The following AAR2 variants were observed in gnomAD, a reference collection of about 807,000 sequenced individuals.
AAR2 encodes protein AAR2 homolog.
Under a neutral mutation model 26.9 loss-of-function variants are expected in AAR2, and 31 were observed. That is an observed-to-expected ratio of 1.15 (90% CI 0.86 to 1.55). AAR2 has a LOEUF of 1.55. AAR2 is among the 40% of genes most tolerant of loss of function. The pLI is 0.00. For missense variants in AAR2, 430 were observed against 491.3 expected, an observed-to-expected ratio of 0.88 and a Z score of 1.18; for synonymous variants, 188 against 196.1, an observed-to-expected ratio of 0.96 and a Z score of 0.34.
chr20:36,253,948 C>T (rs1230435195), intron 3 of AAR2, among the ~76,000 whole-genome samples: 1 of 152,146 alleles, frequency 6.6e-6, no homozygotes, highest in African/African-American at 2.4e-5. Flanking sequence ...AAATAACAGG[C>T]GTTGGCCAGG....
intron 3 of AAR2, among the ~76,000 whole-genome samples, chr20:36,246,717 G>C (rs1366820272): frequency 1.3e-5 from 2 of 152,208 alleles, no homozygotes; most frequent in African/African-American, 2.4e-5. Flanking sequence ...TGCCAGCAAT[G>C]ATTTACAAAG....
chr20:36,239,989 G>C lies in AAR2; in HGVS notation c.121G>C (p.Val41Leu). Residue 41 changes from valine to leucine, a missense_variant, in exon 2 of 4, where the codon GTC (valine) becomes CTC (leucine). Coordinates refer to ENST00000320849, the MANE Select transcript of AAR2 (RefSeq NM_001271874.2). ...EFGIDYNSWE[V>L]GPKFRGVKMI... ...TGGGATTGACTATAACTCCTGGGAG[G>C]TCGGGCCCAAGTTCCGGGGCGTGAA... 2.5e-6 allele frequency: 4 copies of C among 1,614,208 alleles called. No homozygotes were observed. Among genetic ancestry groups the C allele is most frequent in the Non-Finnish European group, 3.4e-6 (4 of 1,180,036 alleles).
rs1230824921 is a variant in AAR2, at chr20:36,256,161, AGTTG to A, written c.*423_*426del. On this transcript the variant is annotated 3_prime_UTR_variant, in exon 4 of 4. Transcript: ENST00000320849. The stretch of plus-strand genomic sequence containing the variant: ...CCTGGATTGCCCAGGGGGTCTGAGA[AGTTG>A]GTTGGTGACTTTTTTTGCGGTTAAA... 5 of 159,160 alleles carry A rather than the reference AGTTG, an allele frequency of 3.1e-5. No homozygotes were observed. The highest frequency in any genetic ancestry group is 5.5e-5 in the Non-Finnish European group (4 of 72,714). 9.9% of individuals were successfully genotyped at this position (159,160 alleles called of 1,614,324 possible).
Position 36,244,874 on chromosome 20 carries a change from A to G in AAR2, c.935A>G (p.Asp312Gly). The G allele has an allele frequency of 6.2e-7, 1 of 1,614,140 alleles. No homozygotes were observed. The highest frequency in any genetic ancestry group is 1.3e-5 in the African/African-American group (1 of 75,016). The change falls in exon 3 of 4, where the codon GAC becomes GGC. Residue 312 changes from aspartate (D) to glycine (G), a missense_variant. Coordinates refer to ENST00000320849, the MANE Select transcript of AAR2 (RefSeq NM_001271874.2). ...LYHQLGEIPA[D>G]FFVDIVSQDN... ...CACCAGCTTGGTGAGATCCCCGCTG[A>G]CTTCTTCGTAGACATTGTCTCCCAA...
At chr20:36,245,772 A>G (rs1351009778) in intron 3 of AAR2, among the ~76,000 whole-genome samples, 3 of 152,182 alleles carry the variant, frequency 2.0e-5, no homozygotes, top group Non-Finnish European at 2.9e-5. Flanking sequence ...TGTAATCCCA[A>G]CACTTTGGGA....
chr20:36,250,844 T>C (rs1331875987), intron 3 of AAR2, among the ~76,000 whole-genome samples: 1 of 152,080 alleles, frequency 6.6e-6, no homozygotes, highest in Non-Finnish European at 1.5e-5. Context: ...GCATTTAAAA[T>C]TGATGAATTT....
chr20:36,255,755 C>T lies in AAR2; in HGVS notation c.*10C>T, dbSNP rs770584423. The T allele has an allele frequency of 9.9e-6, 16 of 1,613,600 alleles. No individual in the cohort carries two copies. Among genetic ancestry groups the T allele is most frequent in the East Asian group, 6.7e-5 (3 of 44,882 alleles). ...CATCGAGATGGGCTAACTCGGGGAG[C>T]GCTCTCAGCTGCGAGGGGCCCCTTC... On this transcript the variant is annotated 3_prime_UTR_variant, in exon 4 of 4. Coordinates refer to ENST00000320849, the MANE Select transcript of AAR2 (RefSeq NM_001271874.2).
At chr20:36,252,646 C>T (rs1001818010) in intron 3 of AAR2, among the ~76,000 whole-genome samples, 6 of 152,066 alleles carry the variant, frequency 3.9e-5, no homozygotes, top group African/African-American at 1.2e-4. Flanking sequence ...TGCAGAGAGG[C>T]GCAGAGGAAG....
Position 36,240,130 on chromosome 20 carries a change from G to C in AAR2, c.262G>C (p.Val88Leu). 1.2e-6 allele frequency: 2 copies of C among 1,614,220 alleles called. No individual in the cohort carries two copies. The highest frequency in any genetic ancestry group is 1.7e-6 in the Non-Finnish European group (2 of 1,180,046). The part of the protein sequence containing the change: ...FLSLHQRGLT[V>L]LRWSTLREEV... ...TAGCCTGCACCAGCGGGGGCTGACAGTGCTGCGCTGGAGCACACTCAGGGA... is the reference window on the plus strand; with the variant it reads ...TAGCCTGCACCAGCGGGGGCTGACACTGCTGCGCTGGAGCACACTCAGGGA... The change falls in exon 2 of 4, where the codon GTG (valine) becomes CTG (leucine). Residue 88 changes from valine to leucine, a missense_variant. Coordinates refer to ENST00000320849, the MANE Select transcript of AAR2 (RefSeq NM_001271874.2).
At position 36,255,668 on chromosome 20, in the gene AAR2, C is replaced by T. The variant is rs201636596; in HGVS notation, c.1078C>T (p.Arg360Trp). 4.3e-5 allele frequency: 70 copies of T among 1,614,056 alleles called. No individual in the cohort carries two copies. The highest frequency in any genetic ancestry group is 3.3e-4 in the Middle Eastern group (2 of 6,084). Residue 360 changes from arginine (R) to tryptophan (W), a missense_variant, in exon 4 of 4, where the codon CGG becomes TGG. Coordinates refer to ENST00000320849, the MANE Select transcript of AAR2 (RefSeq NM_001271874.2). Reference sequence around the variant, plus strand: ...CCAAGCTCACCTGACCAAGAAGTTCCGGTGGGACTTTGCTGCGGAACCTGA... The same window carrying T: ...CCAAGCTCACCTGACCAAGAAGTTCTGGTGGGACTTTGCTGCGGAACCTGA... The part of the protein sequence containing the change: ...KFQAHLTKKF[R>W]WDFAAEPEDC...
At position 36,255,299 on chromosome 20, in the gene AAR2, C is replaced by T. The variant is rs1385269093; in HGVS notation, c.988-279C>T. ...CTACCTGTTCCTCTGGGTTACTGCC[C>T]GGGTGTCCAGTAGAACCCCCCAGGG... On this transcript the variant is annotated intron_variant, in intron 3 of 3. Coordinates refer to ENST00000320849, the MANE Select transcript of AAR2 (RefSeq NM_001271874.2). Among the ~76,000 whole-genome samples, 3 of 152,326 alleles carry T rather than the reference C, an allele frequency of 2.0e-5. 1 individual carries two copies. In the Middle Eastern group the frequency reaches 0.01, roughly 518 times the overall value.
chr20:36,251,933 T>C (rs2064783407), intron 3 of AAR2, among the ~76,000 whole-genome samples: 1 of 152,210 alleles, frequency 6.6e-6, no homozygotes, highest in South Asian at 2.1e-4. Flanking sequence ...TGGGTCTCAA[T>C]AGGTCATTCG....
chr20:36,247,099 GAGAAAGTTAAC>G (rs1367543072), intron 3 of AAR2, among the ~76,000 whole-genome samples: 2 of 152,186 alleles, frequency 1.3e-5, no homozygotes, highest in African/African-American at 4.8e-5. Context: ...CTTGTAATTT[GAGAAAGTTAAC>G]AGAAAGTTAA....
intron 3 of AAR2, among the ~76,000 whole-genome samples, chr20:36,254,669 G>A (rs1189026676): frequency 6.6e-6 from 1 of 152,128 alleles, no homozygotes; most frequent in Admixed American, 6.5e-5. Context: ...AAAATAATAT[G>A]TATATTTTGC....
At chr20:36,241,418 G>A (rs1051823495) in intron 2 of AAR2, among the ~76,000 whole-genome samples, 4 of 152,030 alleles carry the variant, frequency 2.6e-5, no homozygotes, top group African/African-American at 9.7e-5. Flanking sequence ...CTTTTTTAGT[G>A]GCTGTTTCAT....
At position 36,239,890 on chromosome 20, in the gene AAR2, C is replaced by T. The variant is rs1348451129; in HGVS notation, c.22C>T (p.Pro8Ser). Residue 8 changes from proline (P) to serine (S), a missense_variant, in exon 2 of 4, where the codon CCT becomes TCT. By Grantham distance (74) the Pro-to-Ser change is moderately conservative. Transcript: ENST00000320849. ...CCCCATGGCTGCCGTGCAGATGGAT[C>T]CTGAGCTAGCCAAGCGCCTCTTCTT... MAAVQMD[P>S]ELAKRLFFEG... The T allele has an allele frequency of 6.2e-7, 1 of 1,601,446 alleles. No individual in the cohort carries two copies. The highest frequency in any genetic ancestry group is 8.5e-7 in the Non-Finnish European group (1 of 1,170,326).
At chr20:36,252,535 G>A (rs1395599659) in intron 3 of AAR2, among the ~76,000 whole-genome samples, 1 of 152,204 alleles carries the variant, frequency 6.6e-6, no homozygotes, top group Non-Finnish European at 1.5e-5. Flanking sequence ...CCTCAAGGAG[G>A]TGATGTTTGA....
At position 36,244,833 on chromosome 20, in the gene AAR2, C is replaced by T; in HGVS notation, c.894C>T (p.Leu298=). Residue 298 remains leucine, a synonymous_variant, in exon 3 of 4, where the codon CTC becomes CTT. Coordinates refer to ENST00000320849, the MANE Select transcript of AAR2 (RefSeq NM_001271874.2). ...AGCACCACACCCTCTACATCAACCT[C>T]ATCTCCATCCTGTACCACCAGCTTG... ...MMKHHTLYIN[L]ISILYHQLGE... 3 of 1,614,206 alleles carry T rather than the reference C, an allele frequency of 1.9e-6. No homozygotes were observed. The highest frequency in any genetic ancestry group is 1.7e-5 in the Admixed American group (1 of 60,026).
rs769382754 is a variant in AAR2, at chr20:36,240,089, G to C, written c.221G>C (p.Arg74Pro). 2 of 1,614,216 alleles carry C rather than the reference G, an allele frequency of 1.2e-6. No individual in the cohort carries two copies. The highest frequency in any genetic ancestry group is 1.7e-6 in the Non-Finnish European group (2 of 1,180,034). Residue 74 changes from arginine (R) to proline (P), a missense_variant, in exon 2 of 4, where the codon CGT (arginine) becomes CCT (proline). Coordinates refer to ENST00000320849, the MANE Select transcript of AAR2 (RefSeq NM_001271874.2). ...DKANPKEVGP[R>P]MGFFLSLHQR... ...GCTAATCCGAAGGAAGTAGGCCCTC[G>C]TATGGGTTTCTTCCTTAGCCTGCAC...
Sources: gnomAD v4.1 joint callset for allele counts (sites outside exome capture counted in the v4.1 genomes callset) on GRCh38, gnomAD v4.1.1 for gene constraint, MANE v1.5 for transcripts, NCBI Gene and HGNC (gene_info 2026-07-23, HGNC 2026-07-21) for gene names.